Variants in SLC22A23 observed in about 807,000 individuals in gnomAD.
The protein encoded by SLC22A23 is solute carrier family 22 member 23.
A neutral mutation model predicts 61.0 loss-of-function variants in SLC22A23; 26 were observed. That is an observed-to-expected ratio of 0.43 (90% CI 0.31 to 0.59). The LOEUF is 0.59. SLC22A23 is among the 20% of genes least tolerant of loss of function. SLC22A23 has a pLI of 0.11. For synonymous variants in SLC22A23, 430 were observed against 413.9 expected (o/e 1.04, Z -0.47); for missense variants, 796 against 934.7 (o/e 0.85, Z 1.94).
chr6:3,455,990 G>C lies in SLC22A23; in HGVS notation c.570C>G (p.Asp190Glu). The change falls in exon 1 of 10, where the codon GAC (aspartate) becomes GAG (glutamate). Residue 190 changes from aspartate (D) to glutamate (E), a missense_variant. By Grantham distance (45) the Asp-to-Glu change is conservative. Coordinates refer to ENST00000406686, the MANE Select transcript of SLC22A23 (RefSeq NM_015482.2). ...GDTPPLPSPP[D>E]KGDNASNCDC... ...CACAGTTGGAGGCGTTGTCCCCCTT[G>C]TCCGGAGGGGATGGCAGGGGTGGTG... 3 of 1,547,564 alleles carry C rather than the reference G, an allele frequency of 1.9e-6. No homozygotes were observed. The highest frequency in any genetic ancestry group is 2.4e-5 in the East Asian group (1 of 40,892).
chr6:3,411,016 T>C (rs989089605), intron 2 of SLC22A23, among the ~76,000 whole-genome samples: 5 of 152,218 alleles, frequency 3.3e-5, no homozygotes, highest in Non-Finnish European at 7.3e-5. Flanking sequence ...GATGATTCTC[T>C]GGAAACGGCC....
At chr6:3,310,409 C>T (rs1386210085) in intron 4 of SLC22A23, among the ~76,000 whole-genome samples, 1 of 112,098 alleles carries the variant, frequency 8.9e-6, no homozygotes, top group African/African-American at 3.9e-5. Flanking sequence ...GTCTCCCACT[C>T]AAGCACCCTG....
intron 3 of SLC22A23, among the ~76,000 whole-genome samples, chr6:3,349,764 T>C (rs1373859600): frequency 6.6e-6 from 1 of 152,204 alleles, no homozygotes; most frequent in Non-Finnish European, 1.5e-5. Flanking sequence ...TACTCAGAAA[T>C]AAGCCTAACA....
rs1246331803 is a variant in SLC22A23 at position 3,297,362 on chromosome 6, T to C, written c.1210+729A>G. Among the ~76,000 whole-genome samples, 5 of 152,182 alleles carry C rather than the reference T, an allele frequency of 3.3e-5. No individual in the cohort carries two copies. Among genetic ancestry groups the C allele is most frequent in the Non-Finnish European group, 7.3e-5 (5 of 68,034 alleles). On this transcript the variant is annotated intron_variant, in intron 5 of 9. Transcript: ENST00000406686. This position sits in a 1 kb window ranked among gnomAD's most constrained non-coding sequence, Gnocchi z 4.3. ...TTCAGTGAGGGCAGTGAGTCAGAGC[T>C]TGGGCCGAGACCACCAGTGATCTTC...
At chr6:3,314,869 CAT>C (rs2127386845) in intron 4 of SLC22A23, among the ~76,000 whole-genome samples, 1 of 152,264 alleles carries the variant, frequency 6.6e-6, no homozygotes, top group Admixed American at 6.5e-5. Flanking sequence ...TTTACCTCCT[CAT>C]GTGGGGAATC....
intron 1 of SLC22A23, among the ~76,000 whole-genome samples, chr6:3,443,133 TGGA>T (rs1369238718): frequency 6.6e-6 from 1 of 152,062 alleles, no homozygotes; most frequent in Non-Finnish European, 1.5e-5. Flanking sequence ...TGAAGTACAA[TGGA>T]GGAGAGGCAG....
chr6:3,434,253 C>T (rs543726511), intron 1 of SLC22A23, among the ~76,000 whole-genome samples: 1 of 152,072 alleles, frequency 6.6e-6, no homozygotes, highest in Non-Finnish European at 1.5e-5. Context: ...GCGGAGATTG[C>T]AGTGAGCTGA....
intron 3 of SLC22A23, among the ~76,000 whole-genome samples, chr6:3,348,901 G>T (rs1764600579): frequency 6.6e-6 from 1 of 152,238 alleles, no homozygotes; most frequent in African/African-American, 2.4e-5. Flanking sequence ...CTTTGCCTCA[G>T]AGGAGAGTCA....
chr6:3,359,579 T>C (rs1765311471), intron 3 of SLC22A23, among the ~76,000 whole-genome samples: 1 of 152,208 alleles, frequency 6.6e-6, no homozygotes, highest in Non-Finnish European at 1.5e-5. Context: ...GGAACCCTGG[T>C]GCACCAGTAC....
chr6:3,294,872 C>G (rs1289086164), intron 5 of SLC22A23, among the ~76,000 whole-genome samples: 12 of 152,186 alleles, frequency 7.9e-5, no homozygotes, highest in South Asian at 2.1e-4. Flanking sequence ...TTGAGAACAT[C>G]AGGTTTTCCC....
At chr6:3,282,249 C>T (rs1418041563) in intron 9 of SLC22A23, 2 of 702,572 alleles carry the variant, frequency 2.8e-6, no homozygotes, top group Non-Finnish European at 5.2e-6. Context: ...GGGAGTGAGC[C>T]TGCGGTCGGC....
chr6:3,369,690 C>CAAA (rs56226023), intron 3 of SLC22A23, among the ~76,000 whole-genome samples: 2,084 of 144,900 alleles, frequency 0.014, 37 homozygotes, highest in African/African-American at 0.04. Flanking sequence ...GACTCCATCT[C>CAAA]AAAAAAAAAA....
intron 3 of SLC22A23, among the ~76,000 whole-genome samples, chr6:3,403,117 G>C (rs1214330862): frequency 6.6e-6 from 1 of 151,372 alleles, no homozygotes. Context: ...TGGCAAACCA[G>C]TAATGATTTT....
In SLC22A23 at chr6:3,269,730, G is replaced by C. The variant is rs537519933; in HGVS notation, c.*3325C>G. ...TTTCCAAAACACACGGGACATGAAA[G>C]CGAGGTGGTGCCTTCTAGACGAGAG... On this transcript the variant is annotated 3_prime_UTR_variant, in exon 10 of 10. Coordinates refer to ENST00000406686, the MANE Select transcript of SLC22A23 (RefSeq NM_015482.2). The C allele has an allele frequency of 6.5e-6, 1 of 152,966 alleles. No individual in the cohort carries two copies. Among genetic ancestry groups the C allele is most frequent in the African/African-American group, 2.4e-5 (1 of 41,590 alleles). The allele number at this position is 152,966 out of a possible 1,614,324, so 9.5% of individuals were successfully genotyped here.
At chr6:3,362,443 T>TAAAAAAAAAAAAAAAAAAA (rs1765538891) in intron 3 of SLC22A23, among the ~76,000 whole-genome samples, 1 of 110,678 alleles carries the variant, frequency 9.0e-6, no homozygotes, top group Non-Finnish European at 1.9e-5. Flanking sequence ...AAATAAAAAT[T>TAAAAAAAAAAAAAAAAAAA]AGCATGCATT....
chr6:3,339,507 C>T (rs1162545209), intron 3 of SLC22A23, among the ~76,000 whole-genome samples: 3 of 152,118 alleles, frequency 2.0e-5, no homozygotes, highest in Non-Finnish European at 4.4e-5. Context: ...GGGCTGCATT[C>T]CCAGATGGTT....
intron 3 of SLC22A23, among the ~76,000 whole-genome samples, chr6:3,394,280 G>C (rs535009156): frequency 5.3e-5 from 8 of 152,262 alleles, no homozygotes; most frequent in South Asian, 4.2e-4. Flanking sequence ...AGAGTCATCA[G>C]ATACTCCCCC....
chr6:3,273,202 G>C lies in SLC22A23; in HGVS notation c.1914C>G (p.Arg638=). ...ENISNGEHYT[R]QPLLPHKKGE... The stretch of plus-strand genomic sequence containing the variant: ...CCTTCTTGTGCGGCAGCAGCGGCTG[G>C]CGCGTGTAGTGCTCCCCGTTAGAAA... Residue 638 remains arginine (R), a synonymous_variant, in exon 10 of 10, where the codon CGC becomes CGG. Coordinates refer to ENST00000406686, the MANE Select transcript of SLC22A23 (RefSeq NM_015482.2). 6.2e-7 allele frequency: 1 copy of C among 1,613,278 alleles called. No homozygotes were observed. The highest frequency in any genetic ancestry group is 1.3e-5 in the African/African-American group (1 of 75,062).
chr6:3,405,618 AT>A lies in SLC22A23; in HGVS notation c.913+4569del, dbSNP rs546024248. 5.5e-3 allele frequency among the ~76,000 whole-genome samples: 788 copies of A among 144,222 alleles called. 1 individual carries two copies. Among genetic ancestry groups the A allele is most frequent in the Non-Finnish European group, 6.9e-3 (456 of 65,864 alleles). 94.6% of individuals were successfully genotyped at this position (144,222 alleles called of 152,430 possible). On this transcript the variant is annotated intron_variant, in intron 3 of 9. Transcript: ENST00000406686. ...CTGTGGAGCCATTTGGCTCAGTCAA[AT>A]TTTTTTTTTTTTTTTTTACATATAT...
Sources: allele counts gnomAD v4.1 joint callset (sites outside exome capture counted in the v4.1 genomes callset), GRCh38; gene constraint gnomAD v4.1.1; non-coding constraint Gnocchi (gnomAD v3.1); transcripts MANE v1.5; gene names NCBI Gene and HGNC (gene_info 2026-07-23, HGNC 2026-07-21).